Variants in SNTB1 observed in about 807,000 individuals in gnomAD.
SNTB1 encodes the protein beta-1-syntrophin.
In SNTB1, 36 loss-of-function variants were observed where a neutral mutation model predicts 48.9. The observed-to-expected ratio is 0.74, with a 90% CI of 0.56 to 0.97. SNTB1 has a LOEUF of 0.97. SNTB1 is among the 50% of genes least tolerant of loss of function. The pLI, the probability that SNTB1 is intolerant of heterozygous loss-of-function variation, is 0.00. For synonymous variants in SNTB1, 299 were observed against 294.6 expected (o/e 1.01, Z -0.15); for missense variants, 786 against 703.4 (o/e 1.12, Z -1.33).
At chr8:120,688,512 G>A (rs1818071402) in intron 2 of SNTB1, among the ~76,000 whole-genome samples, 1 of 152,084 alleles carries the variant, frequency 6.6e-6, no homozygotes, top group Admixed American at 6.5e-5. Flanking sequence ...GTGTCTCAGA[G>A]CTCAAAAACC....
At chr8:120,640,361 A>G (rs1479035400) in intron 2 of SNTB1, among the ~76,000 whole-genome samples, 2 of 152,150 alleles carry the variant, frequency 1.3e-5, no homozygotes, top group Admixed American at 6.6e-5. Flanking sequence ...CTAATTGAAT[A>G]CCCTTTATTT....
In SNTB1 at chr8:120,812,028, G is replaced by A. The variant is rs546974178; in HGVS notation, c.-185C>T. The A allele has an allele frequency of 3.2e-6, 4 of 1,263,260 alleles. No individual in the cohort carries two copies. The highest frequency in any genetic ancestry group is 1.6e-5 in the African/African-American group (1 of 63,924). The allele number at this position is 1,263,260 out of a possible 1,614,324, so 78.3% of individuals were successfully genotyped here. On this transcript the variant is annotated 5_prime_UTR_variant, in exon 1 of 7. Transcript: ENST00000517992. ...CGGCGGGAGTTGGCAGCTGCACTCAGGCTGGTTCCCCCTCGCCTGATCCTG... is the reference window on the plus strand; with the variant it reads ...CGGCGGGAGTTGGCAGCTGCACTCAAGCTGGTTCCCCCTCGCCTGATCCTG...
chr8:120,549,045 A>G, intron 4 of SNTB1, 87 bp from the exon 5 acceptor site: 2 of 1,065,886 alleles, frequency 1.9e-6, no homozygotes, highest in Non-Finnish European at 2.7e-6. Context: ...CAAATTGGTG[A>G]TCTGCTCTCA....
chr8:120,720,335 T>C (rs1453358123), intron 1 of SNTB1, among the ~76,000 whole-genome samples: 1 of 152,212 alleles, frequency 6.6e-6, no homozygotes, highest in Non-Finnish European at 1.5e-5. Flanking sequence ...AAGGATAGAT[T>C]TACGTGCCTT....
At chr8:120,548,636 A>G (rs2130651634) in intron 5 of SNTB1, 126 bp downstream of exon 5, 1 of 784,360 alleles carries the variant, frequency 1.3e-6, no homozygotes, top group Middle Eastern at 2.8e-4. Context: ...AGAAGAATTT[A>G]AATTTGCTTC....
At chr8:120,705,544 C>T (rs909406004) in intron 1 of SNTB1, among the ~76,000 whole-genome samples, 1 of 152,142 alleles carries the variant, frequency 6.6e-6, no homozygotes, top group Non-Finnish European at 1.5e-5. Flanking sequence ...GTGGTGACTT[C>T]CCTATGCTAG....
intron 1 of SNTB1, among the ~76,000 whole-genome samples, chr8:120,795,260 AAAAAC>A (rs1201231672): frequency 2.0e-5 from 3 of 151,978 alleles, no homozygotes; most frequent in African/African-American, 7.2e-5. Context: ...AAAAAAAACA[AAAAAC>A]AAAACAAAAA....
intron 1 of SNTB1, among the ~76,000 whole-genome samples, chr8:120,710,758 C>T (rs1284844366): frequency 1.3e-5 from 2 of 152,226 alleles, no homozygotes; most frequent in Non-Finnish European, 2.9e-5. Flanking sequence ...GACACCAAAC[C>T]TATTGCTGGC....
At position 120,669,589 on chromosome 8, in the gene SNTB1, A is replaced by G. The variant is rs1385976440; in HGVS notation, c.788+24103T>C. 2.3e-5 allele frequency among the ~76,000 whole-genome samples: 2 copies of G among 88,350 alleles called. 1 individual carries two copies. The highest frequency in any genetic ancestry group is 3.9e-5 in the Non-Finnish European group (2 of 51,886). The allele number at this position is 88,350 out of a possible 152,430, so 58.0% of individuals were successfully genotyped here. The stretch of plus-strand genomic sequence containing the variant: ...TGCCTCAGCCTCCCGAGTAGCTGGG[A>G]CTACAGGCGCCTGCCACCGCGCCCG... On this transcript the variant is annotated intron_variant, in intron 2 of 6. Coordinates refer to ENST00000517992, the MANE Select transcript of SNTB1 (RefSeq NM_021021.4).
At chr8:120,727,770 C>A (rs56663462) in intron 1 of SNTB1, among the ~76,000 whole-genome samples, 4,679 of 152,228 alleles carry the variant, frequency 0.031, 232 homozygotes, top group African/African-American at 0.1. Flanking sequence ...ATTTTCAGTT[C>A]ATTGATTGCT....
intron 2 of SNTB1, among the ~76,000 whole-genome samples, chr8:120,669,010 A>G (rs565747608): frequency 6.6e-6 from 1 of 152,336 alleles, no homozygotes; most frequent in South Asian, 2.1e-4. Context: ...AGGCTGGGAC[A>G]AGGGCATAAG....
intron 1 of SNTB1, among the ~76,000 whole-genome samples, chr8:120,792,760 G>T (rs1289171081): frequency 6.6e-6 from 1 of 151,966 alleles, no homozygotes; most frequent in Non-Finnish European, 1.5e-5. Context: ...AAAGGTAGCT[G>T]GTTGTACAGG....
Position 120,538,469 on chromosome 8 carries a change from G to A in SNTB1, c.*408C>T. 3.2e-6 allele frequency: 1 copy of A among 307,704 alleles called. No homozygotes were observed. The highest frequency in any genetic ancestry group is 6.7e-6 in the Non-Finnish European group (1 of 148,610). 19.1% of individuals were successfully genotyped at this position (307,704 alleles called of 1,614,324 possible). ...GTTACTGGGGATAGGGGGCTAGGAG[G>A]AGTAGGTAAGAATGTCCATTTCTCA... On this transcript the variant is annotated 3_prime_UTR_variant, in exon 7 of 7. Coordinates refer to ENST00000517992, the MANE Select transcript of SNTB1 (RefSeq NM_021021.4).
intron 1 of SNTB1, among the ~76,000 whole-genome samples, chr8:120,797,573 T>G (rs1008474885): frequency 6.4e-5 from 8 of 125,802 alleles, no homozygotes; most frequent in African/African-American, 2.6e-4. Context: ...TTTTTTTTTT[T>G]GTCCAAATCC....
chr8:120,582,558 G>T (rs1427380701), intron 3 of SNTB1, among the ~76,000 whole-genome samples: 1 of 152,112 alleles, frequency 6.6e-6, no homozygotes, highest in Non-Finnish European at 1.5e-5. Flanking sequence ...AAATGAGAGA[G>T]AAGACACAAA....
At chr8:120,793,681 C>T (rs954397396) in intron 1 of SNTB1, among the ~76,000 whole-genome samples, 1 of 151,820 alleles carries the variant, frequency 6.6e-6, no homozygotes, top group African/African-American at 2.4e-5. Flanking sequence ...TGCAGATCAG[C>T]CTATTAAACT....
At chr8:120,626,281 A>G (rs1373807785) in intron 3 of SNTB1, among the ~76,000 whole-genome samples, 1 of 152,228 alleles carries the variant, frequency 6.6e-6, no homozygotes, top group Non-Finnish European at 1.5e-5. Flanking sequence ...AGGGATGAAT[A>G]GATAGATACA....
rs749964967 is a variant in SNTB1 at position 120,713,645 on chromosome 8, G to A, written c.572-19737C>T. ...CTTGGGAGGCTGAGGCAGAAGAATCGCTTGAACCTGGGAGGCGAAGCTTGC... is the reference window on the plus strand; with the variant it reads ...CTTGGGAGGCTGAGGCAGAAGAATCACTTGAACCTGGGAGGCGAAGCTTGC... On this transcript the variant is annotated intron_variant, in intron 1 of 6. Coordinates refer to ENST00000517992, the MANE Select transcript of SNTB1 (RefSeq NM_021021.4). Among the ~76,000 whole-genome samples, 7 of 152,140 alleles carry A rather than the reference G, an allele frequency of 4.6e-5. No individual in the cohort carries two copies. The South Asian group carries it at 8.3e-4, about 18-fold the overall frequency.
chr8:120,548,737 C>T (rs762155209), intron 5 of SNTB1, 25 bp downstream of exon 5: 5 of 1,610,784 alleles, frequency 3.1e-6, no homozygotes, highest in Middle Eastern at 1.7e-4. Flanking sequence ...ACAATGTGTC[C>T]TTGGTAGCTC....
Sources: allele counts gnomAD v4.1 joint callset (sites outside exome capture counted in the v4.1 genomes callset), GRCh38; gene constraint gnomAD v4.1.1; transcripts MANE v1.5; gene names NCBI Gene and HGNC (gene_info 2026-07-23, HGNC 2026-07-21).